IQGAP2: variants seen among roughly 807,000 people sequenced by gnomAD.
IQGAP2 encodes IQ motif containing GTPase activating protein 2.
IQGAP2 carries 173 observed loss-of-function variants against 201.3 expected under a neutral mutation model. The ratio of observed to expected loss-of-function variants is 0.86; its 90% confidence interval spans 0.76 to 0.98. The LOEUF (loss-of-function observed/expected upper bound fraction) is 0.98, where lower values mean the gene tolerates loss of function less well. Ranked by LOEUF, IQGAP2 falls within the 50% of genes least tolerant of loss-of-function variation. The pLI is 0.00. For synonymous variants in IQGAP2, 675 were observed against 673.9 expected (o/e 1.00, Z -0.03); for missense variants, 1,687 against 1,864.8 (o/e 0.90, Z 1.76).
intron 5 of IQGAP2, among the ~76,000 whole-genome samples, chr5:76,578,587 C>G (rs995405060): frequency 6.6e-6 from 1 of 152,230 alleles, no homozygotes. Context: ...GCTGGGATTA[C>G]AGGCATCAGC....
chr5:76,568,763 A>T (rs960155145), intron 3 of IQGAP2, among the ~76,000 whole-genome samples: 16 of 152,208 alleles, frequency 1.1e-4, no homozygotes, highest in African/African-American at 3.9e-4. Flanking sequence ...AGTGGGATCA[A>T]TTTGGTGTCT....
chr5:76,444,574 C>G (rs1179090975), intron 1 of IQGAP2, among the ~76,000 whole-genome samples: 1 of 152,228 alleles, frequency 6.6e-6, no homozygotes, highest in Non-Finnish European at 1.5e-5. Flanking sequence ...GCTGGGATTA[C>G]AGGCGTGAGC....
chr5:76,496,988 C>G (rs753627363), intron 2 of IQGAP2, among the ~76,000 whole-genome samples: 1 of 151,918 alleles, frequency 6.6e-6, no homozygotes, highest in Non-Finnish European at 1.5e-5. Context: ...TGCCACCACA[C>G]CCAGCTAATT....
intron 2 of IQGAP2, among the ~76,000 whole-genome samples, chr5:76,548,599 T>C (rs1307881157): frequency 6.6e-6 from 1 of 152,218 alleles, no homozygotes; most frequent in Non-Finnish European, 1.5e-5. Flanking sequence ...CTCAGCCGCT[T>C]ACTAGCTGTG....
intron 3 of IQGAP2, among the ~76,000 whole-genome samples, chr5:76,565,738 A>G (rs1396566155): frequency 6.6e-6 from 1 of 152,226 alleles, no homozygotes; most frequent in East Asian, 1.9e-4. Flanking sequence ...ACATAAGCCA[A>G]AGGATTCCAT....
At chr5:76,404,218 G>A (rs1750673271) in intron 1 of IQGAP2, among the ~76,000 whole-genome samples, 1 of 152,184 alleles carries the variant, frequency 6.6e-6, no homozygotes, top group South Asian at 2.1e-4. Flanking sequence ...ATTGCTGTGT[G>A]GAGAGGACGC....
chr5:76,663,308 C>T (rs867876033), intron 21 of IQGAP2, among the ~76,000 whole-genome samples: 1 of 152,276 alleles, frequency 6.6e-6, no homozygotes, highest in Non-Finnish European at 1.5e-5. Context: ...GACACTGGGC[C>T]AGCATTCCTG....
In IQGAP2 at chr5:76,572,213, A is replaced by ATT. The variant is rs907882473; in HGVS notation, c.381+1573_381+1574dup. Among the ~76,000 whole-genome samples, 734 of 132,782 alleles carry ATT rather than the reference A, an allele frequency of 5.5e-3. 12 individuals carry two copies. Among genetic ancestry groups the ATT allele is most frequent in the African/African-American group, 0.018 (630 of 35,990 alleles). The allele number at this position is 132,782 out of a possible 152,430, so 87.1% of individuals were successfully genotyped here. A position where few individuals can be genotyped will look rare whatever the true frequency, so the allele number is the denominator to read the frequency against. On this transcript the variant is annotated intron_variant, in intron 4 of 35. Coordinates refer to ENST00000274364, the MANE Select transcript of IQGAP2 (RefSeq NM_006633.5). ...TATGTGTTGCTTAGTATGTACAGCT[A>ATT]TTTTTTTTTTTTTTTTTTGAGACAG... is the stretch of plus-strand genomic sequence containing the variant.
chr5:76,609,378 A>C (rs1334557086), intron 12 of IQGAP2: 1 of 700,246 alleles, frequency 1.4e-6, no homozygotes, highest in African/African-American at 1.8e-5. Flanking sequence ...CAATGTTTAC[A>C]GATAATATAA....
At chr5:76,691,895 A>C (rs1024819017) in intron 30 of IQGAP2, among the ~76,000 whole-genome samples, 2 of 152,230 alleles carry the variant, frequency 1.3e-5, no homozygotes, top group Non-Finnish European at 2.9e-5. Context: ...GTAGTTGCCC[A>C]TATCCTTCAA....
rs1580445613 is a variant in IQGAP2 at position 76,554,338 on chromosome 5, C to T, written c.147-8058C>T. On this transcript the variant is annotated intron_variant, in intron 2 of 35. Transcript: ENST00000274364. ...AAATGAGACTTCATCAAGATAAAAA[C>T]ATTTTTGCTTCAGATAACACCATTA... Among the ~76,000 whole-genome samples, 6 of 152,186 alleles carry T rather than the reference C, an allele frequency of 3.9e-5. No homozygotes were observed. In the South Asian group the frequency reaches 1.2e-3, roughly 32 times the overall value.
rs1188289688 is a variant in IQGAP2, at chr5:76,403,468, G to A, written c.-78G>A. 10 of 1,149,574 alleles carry A rather than the reference G, an allele frequency of 8.7e-6. No homozygotes were observed. The highest frequency in any genetic ancestry group is 1.1e-5 in the Non-Finnish European group (10 of 887,388). The allele number at this position is 1,149,574 out of a possible 1,614,324, so 71.2% of individuals were successfully genotyped here. Reference sequence around the variant, plus strand: ...AGGCGGGATCCGAGCGCGCCGGCGGGGCGCAGAGCCCGCGAGCCTGGCCAG... The same window carrying A: ...AGGCGGGATCCGAGCGCGCCGGCGGAGCGCAGAGCCCGCGAGCCTGGCCAG... On this transcript the variant is annotated 5_prime_UTR_variant, in exon 1 of 36. Transcript: ENST00000274364. This position sits in a 1 kb window ranked among gnomAD's most constrained non-coding sequence, Gnocchi z 4.8.
chr5:76,544,214 T>C (rs16873476), intron 2 of IQGAP2, among the ~76,000 whole-genome samples: 22,245 of 152,180 alleles, frequency 0.15, 1,789 homozygotes, highest in Admixed American at 0.27. Flanking sequence ...ATAAACTGAC[T>C]TCTAAGATAA....
chr5:76,691,583 C>T (rs1266355245), intron 30 of IQGAP2: 3 of 152,004 alleles, frequency 2.0e-5, no homozygotes, highest in Non-Finnish European at 2.9e-5. Context: ...CATGCCATCC[C>T]CCACGTGGCT....
chr5:76,466,986 C>A (rs1023745016), intron 2 of IQGAP2, among the ~76,000 whole-genome samples: 1 of 152,198 alleles, frequency 6.6e-6, no homozygotes, highest in African/African-American at 2.4e-5. Context: ...TGAGGTGGCT[C>A]ACACCTGTAA....
In IQGAP2 at chr5:76,600,829, G is replaced by A; in HGVS notation, c.1089G>A (p.Glu363=). 2 of 1,614,100 alleles carry A rather than the reference G, an allele frequency of 1.2e-6. No individual in the cohort carries two copies. The highest frequency in any genetic ancestry group is 1.7e-6 in the Non-Finnish European group (2 of 1,179,978). The change falls in exon 11 of 36, where the codon GAG becomes GAA. Residue 363 remains glutamate, a synonymous_variant. Transcript: ENST00000274364. ...TCCAACAGAACTACTTGGCCCACGA[G>A]GAGCTTTTGATTGCTGTGGAAATGT... The part of the protein sequence containing the change: ...KQNTMNYLAH[E]ELLIAVEMLS...
At chr5:76,436,474 A>G (rs1392627276) in intron 1 of IQGAP2, among the ~76,000 whole-genome samples, 1 of 78,152 alleles carries the variant, frequency 1.3e-5, no homozygotes, top group Non-Finnish European at 2.3e-5. Context: ...TATTGAGATG[A>G]TCATATATAT....
intron 23 of IQGAP2, 73 bp from the exon 24 acceptor site, chr5:76,671,686 G>A (rs1345605932): frequency 1.9e-4 from 187 of 964,872 alleles, no homozygotes; most frequent in Non-Finnish European, 1.1e-4. Context: ...AGACTGTCTC[G>A]GGGAAAAAAA....
chr5:76,590,340 T>TTA lies in IQGAP2; in HGVS notation c.641-68_641-67insTA. ...TAAAACTGCTTGAGTTTACACAGGGTCAATGCAACTGTCCATGTTGTCTTT... is the reference window on the plus strand; with the variant it reads ...TAAAACTGCTTGAGTTTACACAGGGTTACAATGCAACTGTCCATGTTGTCTTT... On this transcript the variant is annotated intron_variant, in intron 7 of 35. Coordinates refer to ENST00000274364, the MANE Select transcript of IQGAP2 (RefSeq NM_006633.5). 3 of 1,201,002 alleles carry TTA rather than the reference T, an allele frequency of 2.5e-6. No homozygotes were observed. The South Asian group carries it at 4.6e-5, about 19-fold the overall frequency. 74.4% of individuals were successfully genotyped at this position (1,201,002 alleles called of 1,614,324 possible).
Sources: gnomAD v4.1 joint callset for allele counts (sites outside exome capture counted in the v4.1 genomes callset) on GRCh38, gnomAD v4.1.1 for gene constraint, Gnocchi (gnomAD v3.1) non-coding constraint, MANE v1.5 for transcripts, NCBI Gene and HGNC (gene_info 2026-07-23, HGNC 2026-07-21) for gene names.